Variants in ERC2 observed in about 807,000 individuals in gnomAD.
ERC2 encodes ELKS/RAB6-interacting/CAST family member 2, also known as ERC protein 2.
In ERC2, 42 loss-of-function variants were observed where a neutral mutation model predicts 114.8. The observed-to-expected ratio is 0.37, with a 90% CI of 0.29 to 0.47. ERC2 has a LOEUF of 0.47. Ranked by LOEUF, ERC2 falls within the 20% of genes least tolerant of loss-of-function variation. ERC2 has a pLI of 0.99. For synonymous variants in ERC2, 454 were observed against 425.5 expected, an observed-to-expected ratio of 1.07 and a Z score of -0.82; for missense variants, 939 against 1,150.7, an observed-to-expected ratio of 0.82 and a Z score of 2.66.
intron 6 of ERC2, among the ~76,000 whole-genome samples, chr3:56,131,336 G>GTA (rs1440101109): frequency 6.6e-6 from 1 of 152,206 alleles, no homozygotes; most frequent in Non-Finnish European, 1.5e-5. Flanking sequence ...GCTTTGTTTT[G>GTA]TATATATATT....
At chr3:56,152,601 T>C (rs950310833) in intron 4 of ERC2, among the ~76,000 whole-genome samples, 5 of 152,084 alleles carry the variant, frequency 3.3e-5, no homozygotes, top group African/African-American at 1.2e-4. Flanking sequence ...AGTCTCGAGA[T>C]AGGGCAACCA....
At chr3:56,049,735 C>T (rs2075666285) in intron 7 of ERC2, among the ~76,000 whole-genome samples, 1 of 151,964 alleles carries the variant, frequency 6.6e-6, no homozygotes, top group Non-Finnish European at 1.5e-5. Flanking sequence ...ACACTGGCTT[C>T]CTTGCTCCTC....
chr3:55,972,893 A>T (rs896189062), intron 12 of ERC2, among the ~76,000 whole-genome samples: 6 of 152,318 alleles, frequency 3.9e-5, no homozygotes, highest in African/African-American at 1.4e-4. Context: ...ATGCTCCAAT[A>T]TAGAGAGATG....
At chr3:55,719,786 C>T (rs1182925197) in intron 15 of ERC2, among the ~76,000 whole-genome samples, 1 of 152,094 alleles carries the variant, frequency 6.6e-6, no homozygotes, top group Non-Finnish European at 1.5e-5. Context: ...CAGGCTTTTC[C>T]TGGAAGCCAA....
chr3:55,701,241 T>A (rs2063210270), intron 15 of ERC2, among the ~76,000 whole-genome samples: 1 of 152,212 alleles, frequency 6.6e-6, no homozygotes, highest in Non-Finnish European at 1.5e-5. Flanking sequence ...ATTATTACTA[T>A]CCTCATTTGG....
intron 13 of ERC2, among the ~76,000 whole-genome samples, chr3:55,907,537 T>C (rs1338584041): frequency 6.6e-6 from 1 of 152,206 alleles, no homozygotes; most frequent in African/African-American, 2.4e-5. Flanking sequence ...TCTTTGTCTC[T>C]GATATAATGT....
intron 14 of ERC2, among the ~76,000 whole-genome samples, chr3:55,845,284 C>CACG: frequency 6.6e-6 from 1 of 152,184 alleles, no homozygotes; most frequent in Middle Eastern, 3.4e-3. Context: ...GCGGGCGGAT[C>CACG]ACGAGGTCAG....
At chr3:56,055,767 C>T (rs2075986264) in intron 7 of ERC2, among the ~76,000 whole-genome samples, 2 of 152,192 alleles carry the variant, frequency 1.3e-5, no homozygotes. Context: ...TCCATCCCAA[C>T]TTCTTGGCCA....
At chr3:55,861,438 C>T (rs2062023778) in intron 14 of ERC2, among the ~76,000 whole-genome samples, 1 of 152,194 alleles carries the variant, frequency 6.6e-6, no homozygotes, top group African/African-American at 2.4e-5. Context: ...GCAAACATAA[C>T]ATGTGGAAAC....
At chr3:56,100,281 C>T (rs1217540623) in intron 6 of ERC2, among the ~76,000 whole-genome samples, 2 of 152,114 alleles carry the variant, frequency 1.3e-5, no homozygotes, top group Non-Finnish European at 2.9e-5. Flanking sequence ...GCTGGCTTAA[C>T]TCACTGTTGG....
chr3:55,615,892 A>G (rs549858948), intron 17 of ERC2, among the ~76,000 whole-genome samples: 12 of 152,328 alleles, frequency 7.9e-5, no homozygotes, highest in Admixed American at 5.9e-4. Flanking sequence ...TCTTTCGGGT[A>G]AGAGGCAGCT....
intron 6 of ERC2, among the ~76,000 whole-genome samples, chr3:56,112,153 C>T (rs2078994764): frequency 6.6e-6 from 1 of 152,112 alleles, no homozygotes; most frequent in Non-Finnish European, 1.5e-5. Context: ...AGCAATCAAG[C>T]TAATTTAAGT....
intron 1 of ERC2, among the ~76,000 whole-genome samples, chr3:56,454,013 C>T (rs1391311582): frequency 6.6e-6 from 1 of 152,176 alleles, no homozygotes; most frequent in Non-Finnish European, 1.5e-5. Context: ...CACATGCACC[C>T]ACCTCCTGCT....
intron 3 of ERC2, among the ~76,000 whole-genome samples, chr3:56,266,199 C>T (rs1218884123): frequency 7.0e-6 from 1 of 143,012 alleles, no homozygotes; most frequent in Admixed American, 7.2e-5. Context: ...GGCACAATCT[C>T]GGCTCACTGC....
intron 13 of ERC2, among the ~76,000 whole-genome samples, chr3:55,947,780 G>A (rs2067225569): frequency 6.6e-6 from 1 of 152,178 alleles, no homozygotes; most frequent in Admixed American, 6.5e-5. Context: ...CGTTTTGGGT[G>A]ATTTGTTGCA....
intron 14 of ERC2, among the ~76,000 whole-genome samples, chr3:55,795,579 C>T (rs1381822379): frequency 6.6e-6 from 1 of 152,214 alleles, no homozygotes; most frequent in Non-Finnish European, 1.5e-5. Flanking sequence ...AACTCCACCT[C>T]TCCACCCGCT....
At chr3:55,836,250 C>T (rs2060878802) in intron 14 of ERC2, among the ~76,000 whole-genome samples, 1 of 152,170 alleles carries the variant, frequency 6.6e-6, no homozygotes, top group Admixed American at 6.5e-5. Flanking sequence ...TTGGAAAAAA[C>T]TACTTTAAAG....
chr3:55,738,031 C>T (rs1370035332), intron 14 of ERC2, among the ~76,000 whole-genome samples: 1 of 152,158 alleles, frequency 6.6e-6, no homozygotes, highest in African/African-American at 2.4e-5. Context: ...CGACTGGCCT[C>T]CATGGGACTT....
chr3:56,403,192 C>T (rs948728896), intron 2 of ERC2, among the ~76,000 whole-genome samples: 5 of 152,166 alleles, frequency 3.3e-5, no homozygotes, highest in African/African-American at 1.2e-4. Flanking sequence ...GACTTAAATA[C>T]TATTCTAATT....
Sources: gnomAD v4.1 joint callset for allele counts (sites outside exome capture counted in the v4.1 genomes callset) on GRCh38, gnomAD v4.1.1 for gene constraint, MANE v1.5 for transcripts, NCBI Gene and HGNC (gene_info 2026-07-23, HGNC 2026-07-21) for gene names.